The following GRHL3 variants were observed in gnomAD, a reference collection of about 807,000 sequenced individuals.
GRHL3 encodes the protein grainyhead like transcription factor 3.
In GRHL3, 20 loss-of-function variants were observed where a neutral mutation model predicts 70.3. That is an observed-to-expected ratio of 0.28 (90% confidence interval 0.20 to 0.41). The LOEUF (loss-of-function observed/expected upper bound fraction) is 0.41, where lower values mean the gene tolerates loss of function less well. Ranked by LOEUF, GRHL3 falls within the 10% of genes least tolerant of loss-of-function variation. The pLI is 1.00. For synonymous variants in GRHL3, 299 were observed against 299.9 expected (o/e 1.00, Z 0.03); for missense variants, 637 against 762.3 (o/e 0.84, Z 1.94).
chr1:24,356,592 G>A (rs1473517246), downstream of GRHL3, among the ~76,000 whole-genome samples: 1 of 152,218 alleles, frequency 6.6e-6, no homozygotes, highest in Non-Finnish European at 1.5e-5. Context: ...TCCTTTGGGA[G>A]AGCAGACTTA....
Position 24,334,937 on chromosome 1 carries a change from A to G in GRHL3, c.266+231A>G, listed in dbSNP as rs1639738276. ...TTATACCATTGTACTTACTAAAGATATTTTTAAATGTTTTGGAAGAGGCCA... is the reference window on the plus strand; with the variant it reads ...TTATACCATTGTACTTACTAAAGATGTTTTTAAATGTTTTGGAAGAGGCCA... On this transcript the variant is annotated intron_variant, in intron 3 of 15. Transcript: ENST00000361548. This position sits in a 1 kb window ranked among gnomAD's most constrained non-coding sequence, Gnocchi z 4.3. Among the ~76,000 whole-genome samples the G allele has an allele frequency of 6.6e-6, 1 of 152,014 alleles. No individual in the cohort carries two copies. The highest frequency in any genetic ancestry group is 1.5e-5 in the Non-Finnish European group (1 of 68,024).
chr1:24,337,853 C>T lies in GRHL3; in HGVS notation c.840+64C>T, dbSNP rs996075724. 3.7e-6 allele frequency: 6 copies of T among 1,604,178 alleles called. No individual in the cohort carries two copies. In the African/African-American group the frequency reaches 6.7e-5, roughly 18 times the overall value. ...GGGCAAGATATACCTCCTCCTTGGG[C>T]TAGCCACGGACCCTGGGGAAAGGCT... On this transcript the variant is annotated intron_variant, in intron 6 of 15. Coordinates refer to ENST00000361548, the MANE Select transcript of GRHL3 (RefSeq NM_198173.3).
downstream of GRHL3, among the ~76,000 whole-genome samples, chr1:24,358,924 A>G (rs1002859624): frequency 1.3e-5 from 2 of 152,252 alleles, no homozygotes; most frequent in African/African-American, 4.8e-5. Flanking sequence ...TTCTTAAAGA[A>G]GCAAGGTGTT....
chr1:24,347,681 C>A, intron 14 of GRHL3, 128 bp downstream of exon 14: 1 of 742,778 alleles, frequency 1.3e-6, no homozygotes. Flanking sequence ...CCCGTCCCAC[C>A]CTGTCCAGGG....
intron 3 of GRHL3, 129 bp from the exon 4 acceptor site, chr1:24,336,353 G>T (rs546522974): frequency 9.1e-5 from 56 of 616,794 alleles, no homozygotes; most frequent in Admixed American, 1.6e-4. Flanking sequence ...GTCTTATTTC[G>T]TGCATGCTGG....
chr1:24,359,287 G>A (rs1640932007), downstream of GRHL3, among the ~76,000 whole-genome samples: 2 of 152,234 alleles, frequency 1.3e-5, no homozygotes, highest in Non-Finnish European at 2.9e-5. The surrounding 1 kb of genome is among the most constrained non-coding windows in gnomAD (Gnocchi z 5.3). Flanking sequence ...CTGTGTGCCA[G>A]GTGCCTAGCA....
intron 1 of GRHL3, among the ~76,000 whole-genome samples, chr1:24,328,020 T>C (rs1165544967): frequency 6.6e-6 from 1 of 152,180 alleles, no homozygotes; most frequent in East Asian, 1.9e-4. Context: ...GCATTGGGAC[T>C]CCCAGCCCCT....
chr1:24,338,303 A>G (rs1639906577), intron 7 of GRHL3, among the ~76,000 whole-genome samples, 200 bp downstream of exon 7: 1 of 152,220 alleles, frequency 6.6e-6, no homozygotes, highest in South Asian at 2.1e-4. Context: ...TGGGATAAAC[A>G]GGGCCCTGGG....
chr1:24,363,974 C>T (rs374058055), intron 15 of GRHL3, among the ~76,000 whole-genome samples: 1 of 152,292 alleles, frequency 6.6e-6, no homozygotes, highest in East Asian at 1.9e-4. Context: ...ACTTACAAAC[C>T]CTGATGAAAA....
intron 15 of GRHL3, chr1:24,364,078 C>A: frequency 7.1e-7 from 1 of 1,415,608 alleles, no homozygotes. Context: ...CCCAACACAA[C>A]ACAGTTCAGC....
At chr1:24,331,641 G>A (rs367922250) in intron 2 of GRHL3, 29 bp downstream of exon 2, 38 of 1,585,060 alleles carry the variant, frequency 2.4e-5, no homozygotes, top group African/African-American at 2.7e-5. Context: ...GACATGCCCC[G>A]TTTTGACTGA....
chr1:24,345,636 C>T (rs1640249587), intron 12 of GRHL3, among the ~76,000 whole-genome samples: 1 of 152,148 alleles, frequency 6.6e-6, no homozygotes, highest in South Asian at 2.1e-4. Flanking sequence ...CCCTCCATCT[C>T]CTTCCCCAAC....
At chr1:24,328,139 G>A (rs1339254295) in intron 1 of GRHL3, among the ~76,000 whole-genome samples, 1 of 152,192 alleles carries the variant, frequency 6.6e-6, no homozygotes, top group East Asian at 1.9e-4. Context: ...ATTTTGAGAA[G>A]GGAAATTTCC....
intron 2 of GRHL3, among the ~76,000 whole-genome samples, chr1:24,333,609 T>C (rs949110127): frequency 2.0e-5 from 3 of 152,210 alleles, no homozygotes; most frequent in African/African-American, 4.8e-5. Context: ...TGGTATTATA[T>C]GATGATCTCT....
chr1:24,352,950 A>C (rs953924106), intron 15 of GRHL3, among the ~76,000 whole-genome samples: 1 of 152,210 alleles, frequency 6.6e-6, no homozygotes, highest in East Asian at 1.9e-4. Flanking sequence ...CTTCGGGTCC[A>C]TGTTGTCTCC....
intron 15 of GRHL3, among the ~76,000 whole-genome samples, chr1:24,362,442 T>C (rs75960545): frequency 0.014 from 2,105 of 152,318 alleles, 54 homozygotes; most frequent in African/African-American, 0.048. Context: ...TCATGCCACT[T>C]ACTGGCTGTA....
rs1209777744 is a variant in GRHL3, at chr1:24,319,400, CT to C, written c.-151del. On this transcript the variant is annotated 5_prime_UTR_variant, in exon 1 of 16. Coordinates refer to ENST00000361548, the MANE Select transcript of GRHL3 (RefSeq NM_198173.3). ...CTGTAGCCAATCAGCGCCAGCGCTGCTGGGAACCTACCTGTCAGCAAAATCT... is the reference window on the plus strand; with the variant it reads ...CTGTAGCCAATCAGCGCCAGCGCTGCGGGAACCTACCTGTCAGCAAAATCT... 7 of 820,200 alleles carry C rather than the reference CT, an allele frequency of 8.5e-6. No individual in the cohort carries two copies. Among genetic ancestry groups the C allele is most frequent in the Non-Finnish European group, 1.1e-5 (5 of 475,522 alleles). The allele number at this position is 820,200 out of a possible 1,614,324, so 50.8% of individuals were successfully genotyped here. A position where few individuals can be genotyped will look rare whatever the true frequency, so the allele number is the denominator to read the frequency against.
Position 24,334,661 on chromosome 1 carries a change from G to A in GRHL3, c.221G>A (p.Arg74Gln), listed in dbSNP as rs534391501. Residue 74 changes from arginine to glutamine, a missense_variant, in exon 3 of 16, where the codon CGG (arginine) becomes CAG (glutamine). Arg to Gln is a conservative substitution (Grantham distance 43, BLOSUM62 1). Transcript: ENST00000361548. This position sits in a 1 kb window ranked among gnomAD's most constrained non-coding sequence, Gnocchi z 4.3. Reference protein sequence around the residue: ...YDYYMGPKEKRILSSSTGGRN... With the variant: ...YDYYMGPKEKQILSSSTGGRN... ...TCTTCTCAGGGTCCCAAGGAGAAGC[G>A]GATATTGTCCTCCAGCACTGGGGGC... 350 of 1,611,430 alleles carry A rather than the reference G, an allele frequency of 2.2e-4. 5 individuals are homozygous for A. The Middle Eastern group carries it at 3.0e-3, about 14-fold the overall frequency.
chr1:24,337,333 G>T (rs1639861665), intron 5 of GRHL3, among the ~76,000 whole-genome samples, 182 bp downstream of exon 5: 1 of 152,226 alleles, frequency 6.6e-6, no homozygotes, highest in Non-Finnish European at 1.5e-5. Flanking sequence ...GTGATAGGGA[G>T]CTCAGAACTT....
Sources: gnomAD v4.1 joint callset for allele counts (sites outside exome capture counted in the v4.1 genomes callset) on GRCh38, gnomAD v4.1.1 for gene constraint, Gnocchi (gnomAD v3.1) non-coding constraint, MANE v1.5 for transcripts, NCBI Gene and HGNC (gene_info 2026-07-23, HGNC 2026-07-21) for gene names.